Variants in DOCK4 observed in about 807,000 individuals in gnomAD.
DOCK4 encodes the protein dedicator of cytokinesis 4, also known as dedicator of cytokinesis protein 4.
A neutral mutation model predicts 268.1 loss-of-function variants in DOCK4; 97 were observed. The ratio of observed to expected loss-of-function variants is 0.36; its 90% confidence interval spans 0.31 to 0.43. The LOEUF (loss-of-function observed/expected upper bound fraction) is 0.43. Among genes scored for constraint, DOCK4 ranks in the 20% least tolerant of loss-of-function variants. The pLI, the probability that DOCK4 is intolerant of heterozygous loss-of-function variation, is 1.00. For synonymous variants in DOCK4, 954 were observed against 887.2 expected, an observed-to-expected ratio of 1.08 and a Z score of -1.34; for missense variants, 2,145 against 2,455.7, an observed-to-expected ratio of 0.87 and a Z score of 2.67.
intron 1 of DOCK4, among the ~76,000 whole-genome samples, chr7:112,064,807 C>T (rs909302246): frequency 6.6e-6 from 1 of 152,166 alleles, no homozygotes; most frequent in African/African-American, 2.4e-5. Flanking sequence ...CATGATGCAA[C>T]CTGACTGGTG....
intron 21 of DOCK4, among the ~76,000 whole-genome samples, chr7:111,868,435 G>T (rs1412885112): frequency 2.0e-5 from 3 of 152,184 alleles, no homozygotes; most frequent in Admixed American, 6.5e-5. Flanking sequence ...CTTTAGCCGG[G>T]CACGGTGGCT....
chr7:112,051,197 C>T (rs1418028261), intron 1 of DOCK4, among the ~76,000 whole-genome samples: 1 of 152,002 alleles, frequency 6.6e-6, no homozygotes, highest in Non-Finnish European at 1.5e-5. Flanking sequence ...TGGAATGGCA[C>T]AATCTTGGTG....
At chr7:112,113,475 T>C (rs1408919958) in intron 1 of DOCK4, among the ~76,000 whole-genome samples, 1 of 152,150 alleles carries the variant, frequency 6.6e-6, no homozygotes, top group African/African-American at 2.4e-5. Flanking sequence ...GGTTTCTCTG[T>C]ATCTTACTCC....
At chr7:111,953,871 T>C (rs2134905001) in intron 8 of DOCK4, 1 of 152,330 alleles carries the variant, frequency 6.6e-6, no homozygotes, top group East Asian at 1.9e-4. Context: ...ACACTCTTTA[T>C]CAACTAGCCT....
intron 23 of DOCK4, among the ~76,000 whole-genome samples, chr7:111,859,512 C>A (rs1805301858): frequency 6.6e-6 from 1 of 151,820 alleles, no homozygotes. Context: ...AGTTCCCCAT[C>A]CCCTCAAAAA....
chr7:112,205,163 C>T (rs1243554269), intron 1 of DOCK4, among the ~76,000 whole-genome samples: 1 of 152,178 alleles, frequency 6.6e-6, no homozygotes, highest in Non-Finnish European at 1.5e-5. Context: ...AGGGAGACTC[C>T]TGTATTCATC....
rs542539553 is a variant in DOCK4 at position 111,789,683 on chromosome 7, G to A, written c.3315+774C>T. Among the ~76,000 whole-genome samples the A allele has an allele frequency of 3.9e-5, 6 of 152,288 alleles. No individual in the cohort carries two copies. The South Asian group carries it at 1.0e-3, about 26-fold the overall frequency. ...TGAAACACCCATGCTTTTGGCAATA[G>A]GAGGGTTCCATGTCTGCAGTCAGAT... On this transcript the variant is annotated intron_variant, in intron 31 of 52. Coordinates refer to ENST00000428084, the MANE Select transcript of DOCK4 (RefSeq NM_001363540.2).
At chr7:111,808,321 T>C (rs1029903646) in intron 30 of DOCK4, 3 of 154,298 alleles carry the variant, frequency 1.9e-5, no homozygotes, top group African/African-American at 7.2e-5. Context: ...ATTAACAAAA[T>C]TGGATCCAAC....
Position 111,847,206 on chromosome 7 carries a change from T to C in DOCK4, c.2474-80A>G, listed in dbSNP as rs987373670. 35 of 1,546,184 alleles carry C rather than the reference T, an allele frequency of 2.3e-5. No homozygotes were observed. In the Middle Eastern group the frequency reaches 1.0e-3, roughly 46 times the overall value. On this transcript the variant is annotated intron_variant, in intron 23 of 52. Coordinates refer to ENST00000428084, the MANE Select transcript of DOCK4 (RefSeq NM_001363540.2). ...AGGGCAAATCCTTATCTACTTTTAA[T>C]TCAATTTTGGTTGCTAAATTATTAA...
intron 16 of DOCK4, among the ~76,000 whole-genome samples, chr7:111,881,645 G>A (rs1204102020): frequency 6.6e-6 from 1 of 152,164 alleles, no homozygotes; most frequent in Non-Finnish European, 1.5e-5. Context: ...GTGTAGCACT[G>A]TTCACAATAG....
Position 112,080,787 on chromosome 7 carries a change from G to A in DOCK4, c.38-76656C>T, listed in dbSNP as rs73715415. ...ACCACTGTCAAAGAAAACATCTTAT[G>A]TCATTTTCCTCAGGCTCTACAAATA... On this transcript the variant is annotated intron_variant, in intron 1 of 52. Transcript: ENST00000428084. Among the ~76,000 whole-genome samples, 577 of 152,288 alleles carry A rather than the reference G, an allele frequency of 3.8e-3. 3 individuals carry two copies. The highest frequency in any genetic ancestry group is 0.013 in the African/African-American group (542 of 41,556).
chr7:112,039,990 A>G (rs1297362922), intron 1 of DOCK4, among the ~76,000 whole-genome samples: 1 of 152,158 alleles, frequency 6.6e-6, no homozygotes, highest in Non-Finnish European at 1.5e-5. Flanking sequence ...ATTTTTACTA[A>G]TAAAATGTAA....
chr7:112,038,144 G>C (rs1804006161), intron 1 of DOCK4, among the ~76,000 whole-genome samples: 1 of 152,212 alleles, frequency 6.6e-6, no homozygotes. Context: ...TGAAGAGGCT[G>C]ATATTTCCCA....
At chr7:112,113,045 A>G (rs1205501762) in intron 1 of DOCK4, among the ~76,000 whole-genome samples, 1 of 152,208 alleles carries the variant, frequency 6.6e-6, no homozygotes, top group Non-Finnish European at 1.5e-5. Context: ...AGGAAAGAGA[A>G]ATTATACTAC....
At chr7:111,739,057 C>A in intron 49 of DOCK4, 77 bp downstream of exon 49, 1 of 1,258,344 alleles carries the variant, frequency 7.9e-7, no homozygotes, top group Non-Finnish European at 1.2e-6. Context: ...TGGCAGCTAC[C>A]GCGTGTTTCT....
At chr7:111,798,864 G>T (rs184706692) in intron 30 of DOCK4, among the ~76,000 whole-genome samples, 1 of 152,170 alleles carries the variant, frequency 6.6e-6, no homozygotes, top group African/African-American at 2.4e-5. Context: ...CCATTTGAAA[G>T]GAAAGATATT....
chr7:111,956,311 G>A (rs1796442450), intron 8 of DOCK4, among the ~76,000 whole-genome samples: 1 of 152,060 alleles, frequency 6.6e-6, no homozygotes, highest in Non-Finnish European at 1.5e-5. Flanking sequence ...TAAAAAGGCA[G>A]AAAAGCCATA....
At chr7:112,004,722 C>T (rs1800712171) in intron 1 of DOCK4, among the ~76,000 whole-genome samples, 1 of 152,162 alleles carries the variant, frequency 6.6e-6, no homozygotes, top group South Asian at 2.1e-4. Context: ...AACGGAGACA[C>T]TTTATTTAGT....
chr7:111,741,336 T>G (rs1378451022), intron 46 of DOCK4, 122 bp from the exon 47 acceptor site: 7 of 1,440,398 alleles, frequency 4.9e-6, no homozygotes, highest in Non-Finnish European at 6.6e-6. Context: ...CCTGTTTGCC[T>G]CAATATAATC....
Sources: gnomAD v4.1 joint callset for allele counts (sites outside exome capture counted in the v4.1 genomes callset) on GRCh38, gnomAD v4.1.1 for gene constraint, MANE v1.5 for transcripts, NCBI Gene and HGNC (gene_info 2026-07-23, HGNC 2026-07-21) for gene names.